APOL4: variants seen among roughly 807,000 people sequenced by gnomAD.
APOL4 encodes apolipoprotein L, 4.
APOL4 carries 14 observed loss-of-function variants against 12.1 expected under a neutral mutation model. That is an observed-to-expected ratio of 1.16 (90% confidence interval 0.76 to 1.81). The LOEUF is 1.81. Ranked by LOEUF, APOL4 falls within the 40% of genes most tolerant of loss-of-function variation. APOL4 has a pLI of 0.00. For missense variants in APOL4, 432 were observed against 423.1 expected, an observed-to-expected ratio of 1.02 and a Z score of -0.18; for synonymous variants, 171 against 160.6, an observed-to-expected ratio of 1.06 and a Z score of -0.49.
rs188440004 is a variant in APOL4 at position 36,199,349 on chromosome 22, T to A, written c.63A>T (p.Thr21=). ...GCTTACCTTGGAACTGTCCAGCCAC[T>A]GTCCAGCCTGGATGGTTTTGCTGCA... ...VGVQQNHPGW[T]VAGQFQEKKR... Residue 21 remains threonine, a synonymous_variant, in exon 2 of 4, where the codon ACA becomes ACT. Transcript: ENST00000683024. 43 of 1,614,104 alleles carry A rather than the reference T, an allele frequency of 2.7e-5. No individual in the cohort carries two copies. The African/African-American group carries it at 4.5e-4, about 17-fold the overall frequency.
rs1331949592 is a variant in APOL4 at position 36,191,364 on chromosome 22, G to A, written c.758C>T (p.Thr253Ile). The A allele has an allele frequency of 6.2e-7, 1 of 1,614,066 alleles. No homozygotes were observed. The highest frequency in any genetic ancestry group is 8.5e-7 in the Non-Finnish European group (1 of 1,179,908). Reference sequence around the variant, plus strand: ...CCAAGCAATCAAAGGGCGTCCAACAGTGGCTTTAGATCTCCTGAGTGTATG... The same window carrying A: ...CCAAGCAATCAAAGGGCGTCCAACAATGGCTTTAGATCTCCTGAGTGTATG... The part of the protein sequence containing the change: ...DVHTLRRSKA[T>I]VGRPLIAWRY... The change falls in exon 4 of 4, where the codon ACT (threonine) becomes ATT (isoleucine). Residue 253 changes from threonine (T) to isoleucine (I), a missense_variant. Physicochemically the swap from Thr to Ile is moderately conservative, Grantham distance 89. Transcript: ENST00000683024.
At chr22:36,196,919 G>A (rs1233942223) in intron 2 of APOL4, among the ~76,000 whole-genome samples, 1 of 152,158 alleles carries the variant, frequency 6.6e-6, no homozygotes, top group Non-Finnish European at 1.5e-5. Flanking sequence ...TTTGCACAGA[G>A]GATTCCTCCT....
chr22:36,202,951 G>A (rs2014629997), upstream of APOL4, among the ~76,000 whole-genome samples: 1 of 152,086 alleles, frequency 6.6e-6, no homozygotes, highest in Admixed American at 6.5e-5. Flanking sequence ...AGAAAAACGG[G>A]TGATTTTAGT....
upstream of APOL4, chr22:36,202,064 G>A (rs190897305): frequency 1.1e-4 from 173 of 1,613,864 alleles, no homozygotes; most frequent in Non-Finnish European, 1.4e-4. Context: ...TCCTTGGGCA[G>A]GAAAAGAGGG....
chr22:36,199,201 C>A, intron 2 of APOL4, 129 bp downstream of exon 2: 1 of 1,315,450 alleles, frequency 7.6e-7, no homozygotes, highest in Non-Finnish European at 1.1e-6. Flanking sequence ...CCTCATCAGC[C>A]ACCTCCGTCT....
intron 1 of APOL4, 198 bp from the exon 2 acceptor site, chr22:36,199,574 C>T: frequency 6.4e-7 from 1 of 1,563,344 alleles, no homozygotes; most frequent in South Asian, 1.2e-5. Flanking sequence ...GCTCCCTCTT[C>T]CCTCACTCTC....
In APOL4 at chr22:36,190,207, T is replaced by C. The variant is rs1487765710; in HGVS notation, c.*868A>G. 2.1e-5 allele frequency: 2 copies of C among 95,670 alleles called. No individual in the cohort carries two copies. The highest frequency in any genetic ancestry group is 1.2e-4 in the African/African-American group (2 of 16,962). The allele number at this position is 95,670 out of a possible 1,614,324, so 5.9% of individuals were successfully genotyped here. ...GACTTTCAAAAGGGGAGGGAGTGTA[T>C]GAATAGGGTGTGGGTGTGGGTCACA... On this transcript the variant is annotated 3_prime_UTR_variant, in exon 4 of 4. Transcript: ENST00000683024.
chr22:36,191,691 G>C lies in APOL4; in HGVS notation c.431C>G (p.Ser144Cys). The part of the protein sequence containing the change: ...HRGCVIANVV[S>C]GSTGILSVIG... ...GACAGACAGGATGCCAGTGGAGCCA[G>C]ACACCACATTGGCGATGACGCAGCC... The change falls in exon 4 of 4, where the codon TCT (serine) becomes TGT (cysteine). Residue 144 changes from serine (S) to cysteine (C), a missense_variant. By Grantham distance (112) the Ser-to-Cys change is moderately radical. Transcript: ENST00000683024. 3 of 1,614,064 alleles carry C rather than the reference G, an allele frequency of 1.9e-6. No individual in the cohort carries two copies. Among genetic ancestry groups the C allele is most frequent in the South Asian group, 1.1e-5 (1 of 91,084 alleles).
At position 36,197,429 on chromosome 22, in the gene APOL4, A is replaced by G. The variant is rs1388821492; in HGVS notation, c.82+1901T>C. 12 of 567,942 alleles carry G rather than the reference A, an allele frequency of 2.1e-5. No homozygotes were observed. In the East Asian group the frequency reaches 4.2e-4, roughly 20 times the overall value. The allele number at this position is 567,942 out of a possible 1,614,324, so 35.2% of individuals were successfully genotyped here. Reference sequence around the variant, plus strand: ...TCCTTCTTCACCAAAAGGAGGAAGGAAACTCAGGGTTGGATGGAGGGAACC... The same window carrying G: ...TCCTTCTTCACCAAAAGGAGGAAGGGAACTCAGGGTTGGATGGAGGGAACC... On this transcript the variant is annotated intron_variant, in intron 2 of 3. Transcript: ENST00000683024.
intron 1 of APOL4, chr22:36,199,691 T>C (rs2014512875): frequency 6.6e-7 from 1 of 1,520,578 alleles, no homozygotes; most frequent in Non-Finnish European, 8.9e-7. Flanking sequence ...TACGCAGAAA[T>C]AGAGATGGGA....
At chr22:36,195,114 T>G (rs923149320) in intron 3 of APOL4, 197 bp downstream of exon 3, 3 of 606,898 alleles carry the variant, frequency 4.9e-6, no homozygotes, top group Middle Eastern at 4.7e-4. Flanking sequence ...GTGGGCTTCT[T>G]CTCCCCTCAG....
At chr22:36,198,267 C>T (rs577341560) in intron 2 of APOL4, among the ~76,000 whole-genome samples, 21 of 152,318 alleles carry the variant, frequency 1.4e-4, no homozygotes, top group South Asian at 1.2e-3. Flanking sequence ...CTAAACCCAC[C>T]GGCATCAACA....
At chr22:36,195,219 TGGA>T (rs2014367998) in intron 3 of APOL4, 89 bp downstream of exon 3, 1 of 1,497,196 alleles carries the variant, frequency 6.7e-7, no homozygotes, top group East Asian at 2.3e-5. Context: ...GGGGGCTGCC[TGGA>T]GGAGGTGTGC....
intron 3 of APOL4, among the ~76,000 whole-genome samples, chr22:36,194,486 C>T (rs1273536717): frequency 6.6e-6 from 1 of 152,198 alleles, no homozygotes; most frequent in African/African-American, 2.4e-5. Flanking sequence ...CCATCCTGAC[C>T]CCTGGCTCTG....
In APOL4 at chr22:36,191,630, C is replaced by G. The variant is rs757778102; in HGVS notation, c.492G>C (p.Leu164=). The G allele has an allele frequency of 1.1e-5, 17 of 1,613,860 alleles. No individual in the cohort carries two copies. The South Asian group carries it at 1.8e-4, about 17-fold the overall frequency. ...GVMLAPFTAG[L]SLSITAAGVG... ...CCCCAGCTGCAGTAATGCTCAGGCT[C>G]AGCCCTGCTGTAAATGGTGCCAACA... Residue 164 remains leucine, a synonymous_variant, in exon 4 of 4, where the codon CTG becomes CTC. Transcript: ENST00000683024.
intron 3 of APOL4, among the ~76,000 whole-genome samples, chr22:36,194,614 G>A (rs899952416): frequency 1.3e-5 from 2 of 152,214 alleles, no homozygotes; most frequent in Non-Finnish European, 1.5e-5. Flanking sequence ...ATTACTAATA[G>A]CATTGGACAG....
intron 1 of APOL4, among the ~76,000 whole-genome samples, chr22:36,200,682 A>T (rs1241659234): frequency 6.6e-6 from 1 of 152,248 alleles, no homozygotes; most frequent in Non-Finnish European, 1.5e-5. Flanking sequence ...ACTAGGTCAG[A>T]GGGTATCAAC....
chr22:36,197,830 C>T (rs1332738660), intron 2 of APOL4: 3 of 1,545,794 alleles, frequency 1.9e-6, no homozygotes, highest in South Asian at 2.4e-5. Context: ...GCCCAGAGGA[C>T]CCTGACAAAC....
Position 36,201,508 on chromosome 22 carries a change from GC to G in APOL4, c.35+191del, listed in dbSNP as rs770084301. ...ATTCACCAGGGGAGTATGCAGAGGGGCGTCTGGGCGCTTCTTGCTGTAAGGG... is the reference window on the plus strand; with the variant it reads ...ATTCACCAGGGGAGTATGCAGAGGGGGTCTGGGCGCTTCTTGCTGTAAGGG... On this transcript the variant is annotated intron_variant, in intron 1 of 3. Transcript: ENST00000683024. 7.6e-4 allele frequency: 772 copies of G among 1,020,948 alleles called. 3 individuals are homozygous for G. Among genetic ancestry groups the G allele is most frequent in the Non-Finnish European group, 1.0e-3 (710 of 706,612 alleles). The allele number at this position is 1,020,948 out of a possible 1,614,324, so 63.2% of individuals were successfully genotyped here. A position where few individuals can be genotyped will look rare whatever the true frequency, so the allele number is the denominator to read the frequency against.
Sources: allele counts gnomAD v4.1 joint callset (sites outside exome capture counted in the v4.1 genomes callset), GRCh38; gene constraint gnomAD v4.1.1; transcripts MANE v1.5; gene names NCBI Gene and HGNC (gene_info 2026-07-23, HGNC 2026-07-21).